KHDRBS3: variants seen among roughly 807,000 people sequenced by gnomAD.
The protein encoded by KHDRBS3 is KH RNA binding domain containing, signal transduction associated 3.
Under a neutral mutation model 45.6 loss-of-function variants are expected in KHDRBS3, and 23 were observed. That is an observed-to-expected ratio of 0.50 (90% CI 0.36 to 0.72). The LOEUF (loss-of-function observed/expected upper bound fraction) is 0.72. KHDRBS3 is among the 30% of genes least tolerant of loss of function. The probability of loss-of-function intolerance (pLI) is 0.00; values close to 1 mark genes in which losing one functional copy is unlikely to be tolerated. For synonymous variants in KHDRBS3, 162 were observed against 156.5 expected (o/e 1.04, Z -0.26); for missense variants, 352 against 424.8 (o/e 0.83, Z 1.51).
chr8:135,644,686 T>TCAA (rs1831208091), intron 7 of KHDRBS3, among the ~76,000 whole-genome samples: 1 of 152,222 alleles, frequency 6.6e-6, no homozygotes, highest in Middle Eastern at 3.2e-3. Context: ...CCCTAGCTCT[T>TCAA]GGCACACTGG....
chr8:135,461,049 G>T (rs1586541675), intron 1 of KHDRBS3, among the ~76,000 whole-genome samples: 1 of 152,162 alleles, frequency 6.6e-6, no homozygotes, highest in East Asian at 1.9e-4. Context: ...CATTTTACCA[G>T]AATAACTGGT....
At chr8:135,486,899 G>A (rs761564802) in intron 1 of KHDRBS3, among the ~76,000 whole-genome samples, 20 of 152,262 alleles carry the variant, frequency 1.3e-4, no homozygotes, top group East Asian at 3.9e-4. Flanking sequence ...TGAAAGATAC[G>A]TGTTTAAAAG....
chr8:135,532,138 C>T (rs914132155), intron 2 of KHDRBS3, among the ~76,000 whole-genome samples: 1 of 152,048 alleles, frequency 6.6e-6, no homozygotes, highest in East Asian at 1.9e-4. Context: ...GTCCCAAGTC[C>T]ATTGTTAGGT....
chr8:135,460,646 T>C (rs1254046686), intron 1 of KHDRBS3, among the ~76,000 whole-genome samples: 1 of 152,230 alleles, frequency 6.6e-6, no homozygotes, highest in Non-Finnish European at 1.5e-5. Context: ...GTGTAGGAAA[T>C]AGTATATATC....
chr8:135,478,261 A>G (rs995924724), intron 1 of KHDRBS3, among the ~76,000 whole-genome samples: 1 of 152,228 alleles, frequency 6.6e-6, no homozygotes, highest in Admixed American at 6.5e-5. Flanking sequence ...GAACTGTAAG[A>G]TAATAAATAC....
At chr8:135,534,771 G>T (rs1008497334) in intron 2 of KHDRBS3, among the ~76,000 whole-genome samples, 1 of 152,116 alleles carries the variant, frequency 6.6e-6, no homozygotes, top group African/African-American at 2.4e-5. Flanking sequence ...TTACCTGATT[G>T]CATGCAGCAG....
intron 2 of KHDRBS3, among the ~76,000 whole-genome samples, chr8:135,536,060 A>T (rs901900839): frequency 2.0e-5 from 3 of 151,996 alleles, no homozygotes; most frequent in African/African-American, 7.3e-5. Context: ...GCTTTTAAGA[A>T]GGTTTCAACT....
chr8:135,482,658 C>T (rs1474989229), intron 1 of KHDRBS3, among the ~76,000 whole-genome samples: 3 of 152,044 alleles, frequency 2.0e-5, no homozygotes, highest in African/African-American at 7.3e-5. Flanking sequence ...AGACTGGAAG[C>T]TTGCTGTTTG....
At chr8:135,464,395 A>G (rs1448717887) in intron 1 of KHDRBS3, among the ~76,000 whole-genome samples, 2 of 152,250 alleles carry the variant, frequency 1.3e-5, no homozygotes, top group African/African-American at 2.4e-5. Context: ...CCATATAGAA[A>G]GCCAGTGAAA....
intron 7 of KHDRBS3, among the ~76,000 whole-genome samples, chr8:135,609,491 C>T (rs952762766): frequency 2.6e-5 from 4 of 151,986 alleles, no homozygotes; most frequent in African/African-American, 7.3e-5. Flanking sequence ...GATGGGGTTT[C>T]GCCATGTTGC....
In KHDRBS3 at chr8:135,475,030, G is replaced by A. The variant is rs115323434; in HGVS notation, c.88+17076G>A. ...AATGTTTTCGCTCTGCCATTTCTCC[G>A]CTCCTCTCTCTTCCACCTTTCTTTT... On this transcript the variant is annotated intron_variant, in intron 1 of 8. Coordinates refer to ENST00000355849, the MANE Select transcript of KHDRBS3 (RefSeq NM_006558.3). Among the ~76,000 whole-genome samples, 1,439 of 152,240 alleles carry A rather than the reference G, an allele frequency of 9.5e-3. 17 individuals carry two copies. The highest frequency in any genetic ancestry group is 0.033 in the African/African-American group (1,353 of 41,540).
At chr8:135,475,944 C>T (rs972822945) in intron 1 of KHDRBS3, among the ~76,000 whole-genome samples, 4 of 152,098 alleles carry the variant, frequency 2.6e-5, no homozygotes, top group Non-Finnish European at 4.4e-5. Context: ...TACTAAATTA[C>T]AGTAGATTAA....
chr8:135,516,184 A>G (rs1183507910), intron 1 of KHDRBS3, among the ~76,000 whole-genome samples: 1 of 152,244 alleles, frequency 6.6e-6, no homozygotes, highest in Non-Finnish European at 1.5e-5. Context: ...AAAGCACAAT[A>G]AAAATACAGT....
At chr8:135,517,724 C>T (rs980151518) in intron 1 of KHDRBS3, among the ~76,000 whole-genome samples, 1 of 152,122 alleles carries the variant, frequency 6.6e-6, no homozygotes, top group African/African-American at 2.4e-5. Context: ...GTTTGACTCC[C>T]GCGATGGGGC....
chr8:135,521,444 A>G, intron 2 of KHDRBS3, 89 bp downstream of exon 2: 2 of 746,666 alleles, frequency 2.7e-6, no homozygotes, highest in Non-Finnish European at 4.5e-6. Context: ...GTGTTTTTAG[A>G]GATGTTTTCT....
intron 1 of KHDRBS3, among the ~76,000 whole-genome samples, chr8:135,460,881 A>T (rs1346190133): frequency 6.6e-6 from 1 of 152,228 alleles, no homozygotes; most frequent in East Asian, 1.9e-4. Context: ...TTAAAAATTC[A>T]GTGTTCGTAA....
chr8:135,604,789 AC>A (rs1829380977), intron 6 of KHDRBS3, among the ~76,000 whole-genome samples: 2 of 151,648 alleles, frequency 1.3e-5, no homozygotes, highest in African/African-American at 4.8e-5. Context: ...AAAAGCTTAT[AC>A]TATCTTTTAT....
chr8:135,458,645 G>A (rs1563691399), intron 1 of KHDRBS3: 1 of 353,756 alleles, frequency 2.8e-6, no homozygotes, highest in South Asian at 2.1e-5. Context: ...GGAGAAGTCA[G>A]TAGGGGAGAA....
intron 4 of KHDRBS3, among the ~76,000 whole-genome samples, chr8:135,555,326 G>T (rs536053049): frequency 4.8e-4 from 73 of 151,868 alleles, no homozygotes; most frequent in Non-Finnish European, 1.0e-3. Flanking sequence ...CTTTGAATGT[G>T]GCCCAGCACA....
Sources: allele counts gnomAD v4.1 joint callset (sites outside exome capture counted in the v4.1 genomes callset), GRCh38; gene constraint gnomAD v4.1.1; transcripts MANE v1.5; gene names NCBI Gene and HGNC (gene_info 2026-07-23, HGNC 2026-07-21).